The following PIEZO2 variants were observed in gnomAD, a reference collection of about 807,000 sequenced individuals.
PIEZO2 encodes piezo-type mechanosensitive ion channel component 2.
A neutral mutation model predicts 337.3 loss-of-function variants in PIEZO2; 172 were observed. The observed-to-expected ratio is 0.51, with a 90% CI of 0.45 to 0.58. The LOEUF (loss-of-function observed/expected upper bound fraction) is 0.58. Ranked by LOEUF, PIEZO2 falls within the 20% of genes least tolerant of loss-of-function variation. PIEZO2 has a pLI of 0.00. For synonymous variants in PIEZO2, 1,251 were observed against 1,228.5 expected (o/e 1.02, Z -0.38); for missense variants, 3,028 against 3,391.3 (o/e 0.89, Z 2.66).
rs1369920833 is a variant in PIEZO2, at chr18:10,945,911, G to A, written c.286+33624C>T. 6.6e-6 allele frequency among the ~76,000 whole-genome samples: 1 copy of A among 152,118 alleles called. No homozygotes were observed. Among genetic ancestry groups the A allele is most frequent in the Non-Finnish European group, 1.5e-5 (1 of 68,022 alleles). ...GGGGATTAAAAGCAGATTAGACACT[G>A]CAAAAGAAAAGATTAGTGAATGTGA... On this transcript the variant is annotated intron_variant, in intron 3 of 55. Transcript: ENST00000674853. The surrounding 1 kb of genome is among the most constrained non-coding windows in gnomAD (Gnocchi z 4.0).
In PIEZO2 at chr18:10,759,752, G is replaced by A. The variant is rs1276658648; in HGVS notation, c.3608C>T (p.Thr1203Ile). ...KYCCFLACII[T>I]FQYFICIGIP... ...GCCAATGCAGATGAAATACTGGAAG[G>A]TGATGATGCATGCCAGGAAGCAGCA... The change falls in exon 25 of 56, where the codon ACC becomes ATC. Residue 1203 changes from threonine to isoleucine, a missense_variant. By Grantham distance (89) the Thr-to-Ile change is moderately conservative. This residue lies in a region of PIEZO2 where 1,925 missense variants were observed against 2,051.9 expected (regional missense o/e 0.94). Coordinates refer to ENST00000674853, the MANE Select transcript of PIEZO2 (RefSeq NM_001378183.1). This position sits in a 1 kb window ranked among gnomAD's most constrained non-coding sequence, Gnocchi z 5.5. 3.3e-6 allele frequency: 5 copies of A among 1,537,214 alleles called. No individual in the cohort carries two copies. The Admixed American group carries it at 7.8e-5, about 24-fold the overall frequency.
intron 4 of PIEZO2, among the ~76,000 whole-genome samples, chr18:10,885,403 G>C (rs551667523): frequency 6.6e-6 from 1 of 152,086 alleles, no homozygotes; most frequent in Non-Finnish European, 1.5e-5. Flanking sequence ...CAGCCTGGAC[G>C]ACAGAGCGAG....
At position 11,128,900 on chromosome 18, in the gene PIEZO2, CAA is replaced by C. The variant is rs1216791112; in HGVS notation, c.64+19623_64+19624del. Among the ~76,000 whole-genome samples, 1 of 152,096 alleles carries C rather than the reference CAA, an allele frequency of 6.6e-6. No individual in the cohort carries two copies. Among genetic ancestry groups the C allele is most frequent in the Non-Finnish European group, 1.5e-5 (1 of 68,032 alleles). On this transcript the variant is annotated intron_variant, in intron 1 of 55. Transcript: ENST00000674853. The surrounding 1 kb of genome is among the most constrained non-coding windows in gnomAD (Gnocchi z 4.1). ...GGGTATGGGATAATAGTGGAAGGAA[CAA>C]AGAGTTGGATCAGCCTGAATTTATT...
intron 5 of PIEZO2, among the ~76,000 whole-genome samples, chr18:10,868,457 C>T (rs1389640240): frequency 3.3e-5 from 5 of 152,098 alleles, no homozygotes; most frequent in African/African-American, 9.7e-5. Flanking sequence ...GAAGATTCAC[C>T]CACCACCCTG....
intron 49 of PIEZO2, among the ~76,000 whole-genome samples, chr18:10,686,562 C>T (rs2034553193): frequency 1.3e-5 from 2 of 152,166 alleles, no homozygotes; most frequent in South Asian, 4.1e-4. Context: ...TGTCTAGGCT[C>T]AGGGTATTAA....
Position 11,050,894 on chromosome 18 carries a change from G to A in PIEZO2, c.160+15233C>T, listed in dbSNP as rs376377998. On this transcript the variant is annotated intron_variant, in intron 2 of 55. Coordinates refer to ENST00000674853, the MANE Select transcript of PIEZO2 (RefSeq NM_001378183.1). ...AAGATAACAAAGCAAAATTTACCAGGTTTAAAAAAAAAAAAACTCAAATGA... is the reference window on the plus strand; with the variant it reads ...AAGATAACAAAGCAAAATTTACCAGATTTAAAAAAAAAAAAACTCAAATGA... Among the ~76,000 whole-genome samples the A allele has an allele frequency of 2.3e-4, 33 of 145,614 alleles. No individual in the cohort carries two copies. The South Asian group carries it at 5.4e-3, about 24-fold the overall frequency.
rs186161344 is a variant in PIEZO2, at chr18:10,947,329, C to T, written c.286+32206G>A. 3.7e-4 allele frequency among the ~76,000 whole-genome samples: 56 copies of T among 152,092 alleles called. No individual in the cohort carries two copies. The East Asian group carries it at 4.6e-3, about 13-fold the overall frequency. On this transcript the variant is annotated intron_variant, in intron 3 of 55. Transcript: ENST00000674853. ...AGAATGGGTATCTCACCTAAAACCACGGAGGCCAGAAAAAAAGTGACACAA... is the reference window on the plus strand; with the variant it reads ...AGAATGGGTATCTCACCTAAAACCATGGAGGCCAGAAAAAAAGTGACACAA...
In PIEZO2 at chr18:11,126,200, T is replaced by C. The variant is rs2040177301; in HGVS notation, c.64+22325A>G. Among the ~76,000 whole-genome samples, 1 of 152,216 alleles carries C rather than the reference T, an allele frequency of 6.6e-6. No homozygotes were observed. Among genetic ancestry groups the C allele is most frequent in the Non-Finnish European group, 1.5e-5 (1 of 68,036 alleles). On this transcript the variant is annotated intron_variant, in intron 1 of 55. Coordinates refer to ENST00000674853, the MANE Select transcript of PIEZO2 (RefSeq NM_001378183.1). This position sits in a 1 kb window ranked among gnomAD's most constrained non-coding sequence, Gnocchi z 4.6. Reference sequence around the variant, plus strand: ...TTTGGTTTAAAGTCTCCACCTCACTTTTTTAAAGTCAATATTCCCAGTAGG... The same window carrying C: ...TTTGGTTTAAAGTCTCCACCTCACTCTTTTAAAGTCAATATTCCCAGTAGG...
chr18:10,792,067 C>A, intron 13 of PIEZO2, among the ~76,000 whole-genome samples: 1 of 152,214 alleles, frequency 6.6e-6, no homozygotes, highest in East Asian at 1.9e-4. Context: ...CTGCCTCAGC[C>A]TCCCAAGTAG....
rs936255859 is a variant in PIEZO2, at chr18:10,746,175, A to G, written c.4425-1944T>C. Among the ~76,000 whole-genome samples, 1 of 152,216 alleles carries G rather than the reference A, an allele frequency of 6.6e-6. No individual in the cohort carries two copies. The highest frequency in any genetic ancestry group is 1.5e-5 in the Non-Finnish European group (1 of 68,028). On this transcript the variant is annotated intron_variant, in intron 30 of 55. Transcript: ENST00000674853. The surrounding 1 kb of genome is among the most constrained non-coding windows in gnomAD (Gnocchi z 4.2). Reference sequence around the variant, plus strand: ...CCCATCTATTCTCCATACCACAAACAGAGTGAGCTTCCTGAAATGCAAACA... The same window carrying G: ...CCCATCTATTCTCCATACCACAAACGGAGTGAGCTTCCTGAAATGCAAACA...
chr18:10,920,957 G>T (rs1481776354), intron 3 of PIEZO2, among the ~76,000 whole-genome samples: 2 of 152,130 alleles, frequency 1.3e-5, no homozygotes, highest in Non-Finnish European at 2.9e-5. Flanking sequence ...GGAGGCCAAG[G>T]CAGGAGACTC....
In PIEZO2 at chr18:11,078,044, A is replaced by C. The variant is rs1361994518; in HGVS notation, c.65-11822T>G. 2.0e-5 allele frequency among the ~76,000 whole-genome samples: 2 copies of C among 98,376 alleles called. No individual in the cohort carries two copies. The highest frequency in any genetic ancestry group is 5.1e-5 in the African/African-American group (1 of 19,588). 64.5% of individuals were successfully genotyped at this position (98,376 alleles called of 152,430 possible). Reference sequence around the variant, plus strand: ...TGTGCGTGCACACACACCCACACACACCCACACACACACACACACACACCA... The same window carrying C: ...TGTGCGTGCACACACACCCACACACCCCCACACACACACACACACACACCA... On this transcript the variant is annotated intron_variant, in intron 1 of 55. Coordinates refer to ENST00000674853, the MANE Select transcript of PIEZO2 (RefSeq NM_001378183.1). This position sits in a 1 kb window ranked among gnomAD's most constrained non-coding sequence, Gnocchi z 5.3.
chr18:11,025,321 A>G (rs1339196124), intron 2 of PIEZO2, among the ~76,000 whole-genome samples: 2 of 152,310 alleles, frequency 1.3e-5, no homozygotes, highest in Middle Eastern at 3.4e-3. Flanking sequence ...GATCCTCACA[A>G]ATCTGGTGAT....
At position 10,760,957 on chromosome 18, in the gene PIEZO2, C is replaced by G. The variant is rs2038101633; in HGVS notation, c.3404G>C (p.Cys1135Ser). The G allele has an allele frequency of 1.3e-6, 2 of 1,535,138 alleles. No homozygotes were observed. The highest frequency in any genetic ancestry group is 1.7e-4 in the Middle Eastern group (1 of 5,902). Residue 1135 changes from cysteine (C) to serine (S), a missense_variant, in exon 24 of 56, where the codon TGT (cysteine) becomes TCT (serine). Physicochemically the swap from Cys to Ser is moderately radical, Grantham distance 112. Transcript: ENST00000674853. ...GAAGTAATTAATGAAATATTTGGCA[C>G]AATTAATAAGTCCATCATCTAGATG... ...RLHLDDGLIN[C>S]AKYFINYFFY...
intron 7 of PIEZO2, among the ~76,000 whole-genome samples, chr18:10,851,153 AT>A (rs2041538210): frequency 1.9e-5 from 2 of 106,616 alleles, no homozygotes; most frequent in Non-Finnish European, 1.9e-5. Flanking sequence ...TTTTTCTTTT[AT>A]CTTTTTTTTT....
chr18:10,782,306 T>C (rs1353102449), intron 17 of PIEZO2, among the ~76,000 whole-genome samples: 2 of 104,354 alleles, frequency 1.9e-5, no homozygotes, highest in Admixed American at 1.5e-4. Flanking sequence ...TATATATAAA[T>C]AATTATATAA....
At chr18:10,843,174 T>C (rs7232017) in intron 7 of PIEZO2, among the ~76,000 whole-genome samples, 52,470 of 152,004 alleles carry the variant, frequency 0.35, 9,188 homozygotes, top group Middle Eastern at 0.44. Context: ...TGCAATAAAT[T>C]AAAATACAGA....
intron 3 of PIEZO2, among the ~76,000 whole-genome samples, chr18:10,926,473 G>T (rs1191821641): frequency 2.0e-5 from 3 of 152,118 alleles, no homozygotes; most frequent in Non-Finnish European, 4.4e-5. Context: ...GATGAAACAG[G>T]CTTAAAATAG....
chr18:10,815,769 T>C lies in PIEZO2; in HGVS notation c.918-8495A>G, dbSNP rs932175835. Reference sequence around the variant, plus strand: ...ATTATAGCTATAATCTAAATATTTATGGACACTTTCTTCTCACACATAGAA... The same window carrying C: ...ATTATAGCTATAATCTAAATATTTACGGACACTTTCTTCTCACACATAGAA... On this transcript the variant is annotated intron_variant, in intron 7 of 55. Transcript: ENST00000674853. This position sits in a 1 kb window ranked among gnomAD's most constrained non-coding sequence, Gnocchi z 4.1. 6.6e-6 allele frequency among the ~76,000 whole-genome samples: 1 copy of C among 152,224 alleles called. No homozygotes were observed. The highest frequency in any genetic ancestry group is 2.4e-5 in the African/African-American group (1 of 41,458).
Sources: allele counts gnomAD v4.1 joint callset (sites outside exome capture counted in the v4.1 genomes callset), GRCh38; gene constraint gnomAD v4.1.1; regional missense constraint gnomAD v4.1.1; non-coding constraint Gnocchi (gnomAD v3.1); transcripts MANE v1.5; gene names NCBI Gene and HGNC (gene_info 2026-07-23, HGNC 2026-07-21).